Variants in WWOX observed in about 807,000 individuals in gnomAD.
WWOX encodes WW domain containing oxidoreductase, also known as WW domain-containing oxidoreductase.
WWOX carries 69 observed loss-of-function variants against 46.2 expected under a neutral mutation model. The observed-to-expected ratio is 1.49, with a 90% CI of 1.23 to 1.82. The LOEUF (loss-of-function observed/expected upper bound fraction) is 1.82. Among genes scored for constraint, WWOX ranks in the 40% most tolerant of loss-of-function variants. The probability of loss-of-function intolerance (pLI) is 0.00; values close to 1 mark genes in which losing one functional copy is unlikely to be tolerated. For missense variants in WWOX, 919 were observed against 542.6 expected (o/e 1.69, Z -6.89); for synonymous variants, 359 against 202.6 (o/e 1.77, Z -6.56).
intron 8 of WWOX, among the ~76,000 whole-genome samples, chr16:78,907,214 C>G (rs1033332317): frequency 1.4e-4 from 22 of 151,914 alleles, no homozygotes; most frequent in Non-Finnish European, 2.6e-4. Context: ...ACCCTTGTGC[C>G]CTGAATCCGC....
intron 5 of WWOX, among the ~76,000 whole-genome samples, chr16:78,365,975 A>C (rs1056101605): frequency 2.0e-5 from 3 of 152,226 alleles, no homozygotes; most frequent in Non-Finnish European, 4.4e-5. Context: ...CAGGTGGCCA[A>C]GATGGGGCTT....
At chr16:79,031,040 C>T (rs116486336) in intron 8 of WWOX, among the ~76,000 whole-genome samples, 2,465 of 150,762 alleles carry the variant, frequency 0.016, 74 homozygotes, top group African/African-American at 0.057. Flanking sequence ...CCGCAGTGAG[C>T]CGAGATCGAG....
intron 4 of WWOX, among the ~76,000 whole-genome samples, chr16:78,161,520 G>T (rs1922619): frequency 6.6e-6 from 1 of 151,760 alleles, no homozygotes; most frequent in Non-Finnish European, 1.5e-5. Flanking sequence ...AATCATAGCT[G>T]ACTGTGCCCT....
intron 5 of WWOX, among the ~76,000 whole-genome samples, chr16:78,369,988 C>A (rs1299649384): frequency 6.6e-6 from 1 of 151,904 alleles, no homozygotes; most frequent in Admixed American, 6.6e-5. Flanking sequence ...CAAAAATAGC[C>A]AGGTGTCCTG....
intron 5 of WWOX, among the ~76,000 whole-genome samples, chr16:78,368,778 C>T (rs922009351): frequency 2.0e-5 from 3 of 152,106 alleles, no homozygotes; most frequent in Non-Finnish European, 4.4e-5. Flanking sequence ...TTACCCATCG[C>T]GATTCATTTG....
chr16:78,430,360 A>G (rs560561673), intron 7 of WWOX, among the ~76,000 whole-genome samples: 26 of 152,204 alleles, frequency 1.7e-4, no homozygotes, highest in African/African-American at 5.1e-4. Flanking sequence ...TCACCCTCCA[A>G]AAATCACACA....
chr16:78,942,490 G>GA (rs2045871689), intron 8 of WWOX, among the ~76,000 whole-genome samples: 1 of 152,066 alleles, frequency 6.6e-6, no homozygotes, highest in South Asian at 2.1e-4. Context: ...GAAGACAGAA[G>GA]AAAAATTGAT....
intron 5 of WWOX, among the ~76,000 whole-genome samples, chr16:78,351,691 C>G (rs906366866): frequency 2.6e-5 from 4 of 152,172 alleles, no homozygotes; most frequent in Non-Finnish European, 5.9e-5. Flanking sequence ...GAGTCTCGGT[C>G]TCTTGCCCAG....
At chr16:78,217,921 T>A (rs977185358) in intron 5 of WWOX, among the ~76,000 whole-genome samples, 4 of 152,232 alleles carry the variant, frequency 2.6e-5, no homozygotes, top group African/African-American at 9.6e-5. Context: ...CAACTCAGTT[T>A]GGACACTCAT....
chr16:78,779,022 C>T (rs912334877), intron 8 of WWOX, among the ~76,000 whole-genome samples: 11 of 152,196 alleles, frequency 7.2e-5, no homozygotes, highest in African/African-American at 2.7e-4. Flanking sequence ...TGAATAAAAC[C>T]AATGAGCTTA....
chr16:78,680,759 T>C (rs2047710861), intron 8 of WWOX, among the ~76,000 whole-genome samples: 1 of 151,988 alleles, frequency 6.6e-6, no homozygotes, highest in African/African-American at 2.4e-5. Flanking sequence ...CATTGCACAG[T>C]TTGGGTATGG....
At chr16:78,881,190 A>G (rs971473507) in intron 8 of WWOX, among the ~76,000 whole-genome samples, 5 of 151,752 alleles carry the variant, frequency 3.3e-5, no homozygotes, top group Admixed American at 2.0e-4. Flanking sequence ...TTTGGTACAG[A>G]TGGGATTTTG....
At chr16:78,829,006 C>T (rs1427461770) in intron 8 of WWOX, among the ~76,000 whole-genome samples, 2 of 152,164 alleles carry the variant, frequency 1.3e-5, no homozygotes, top group South Asian at 2.1e-4. Context: ...AACCCTTGGA[C>T]TTCTTCTCCT....
intron 8 of WWOX, among the ~76,000 whole-genome samples, chr16:79,089,333 CTTT>C (rs11309218): frequency 2.0e-4 from 26 of 132,488 alleles, no homozygotes; most frequent in Non-Finnish European, 1.9e-4. Flanking sequence ...AGGTGGGGAC[CTTT>C]TTTTTTTTTT....
At chr16:78,945,634 T>C (rs771086048) in intron 8 of WWOX, among the ~76,000 whole-genome samples, 1 of 142,574 alleles carries the variant, frequency 7.0e-6, no homozygotes, top group Non-Finnish European at 1.5e-5. Context: ...CTACTGGTTT[T>C]ATTTCTAAGG....
chr16:79,201,546 G>T (rs930329481), intron 8 of WWOX, among the ~76,000 whole-genome samples: 1 of 152,060 alleles, frequency 6.6e-6, no homozygotes, highest in African/African-American at 2.4e-5. Flanking sequence ...AAAAAGTCCC[G>T]AAGGAAACTG....
intron 8 of WWOX, among the ~76,000 whole-genome samples, chr16:78,975,407 G>A (rs1026855072): frequency 6.6e-6 from 1 of 151,822 alleles, no homozygotes; most frequent in Non-Finnish European, 1.5e-5. Context: ...CGTGGTCCTG[G>A]ATGAAAATAA....
At chr16:79,110,416 A>C (rs971450065) in intron 8 of WWOX, among the ~76,000 whole-genome samples, 5 of 152,168 alleles carry the variant, frequency 3.3e-5, no homozygotes, top group Non-Finnish European at 5.9e-5. Context: ...TCTGAGCCCA[A>C]GGAGCAAGTT....
chr16:79,082,343 T>C (rs1037418371), intron 8 of WWOX, among the ~76,000 whole-genome samples: 1 of 152,168 alleles, frequency 6.6e-6, no homozygotes, highest in Admixed American at 6.5e-5. Context: ...TTCCAGAGCA[T>C]CCATCTCCTT....
Sources: gnomAD v4.1 joint callset for allele counts (sites outside exome capture counted in the v4.1 genomes callset) on GRCh38, gnomAD v4.1.1 for gene constraint, MANE v1.5 for transcripts, NCBI Gene and HGNC (gene_info 2026-07-23, HGNC 2026-07-21) for gene names.